The following DTL variants were observed in gnomAD, a reference collection of about 807,000 sequenced individuals.
The protein encoded by DTL is denticleless protein homolog.
A neutral mutation model predicts 87.0 loss-of-function variants in DTL; 46 were observed. The ratio of observed to expected loss-of-function variants is 0.53; its 90% CI spans 0.42 to 0.68. The LOEUF is 0.68. Among genes scored for constraint, DTL ranks in the 30% least tolerant of loss-of-function variants. The probability of loss-of-function intolerance (pLI) is 0.00; values close to 1 mark genes in which losing one functional copy is unlikely to be tolerated. For synonymous variants in DTL, 308 were observed against 311.2 expected, an observed-to-expected ratio of 0.99 and a Z score of 0.11; for missense variants, 737 against 869.4, an observed-to-expected ratio of 0.85 and a Z score of 1.91.
At chr1:212,099,146 G>C (rs1295740965) in intron 13 of DTL, among the ~76,000 whole-genome samples, 1 of 152,164 alleles carries the variant, frequency 6.6e-6, no homozygotes, top group Non-Finnish European at 1.5e-5. Context: ...ATTCATTTCA[G>C]TTCTCCTTCT....
At chr1:212,052,388 G>A (rs1668010601) in intron 5 of DTL, among the ~76,000 whole-genome samples, 1 of 152,040 alleles carries the variant, frequency 6.6e-6, no homozygotes, top group South Asian at 2.1e-4. Context: ...TGTAATCCAA[G>A]CACTTTGAGA....
At chr1:212,059,612 A>C (rs760782065) in intron 5 of DTL, among the ~76,000 whole-genome samples, 3 of 152,152 alleles carry the variant, frequency 2.0e-5, no homozygotes, top group South Asian at 2.1e-4. Context: ...AACTGGAACA[A>C]GACAAGGACG....
At chr1:212,066,655 T>C (rs1654515483) in intron 7 of DTL, among the ~76,000 whole-genome samples, 157 bp from the exon 8 acceptor site, 1 of 152,224 alleles carries the variant, frequency 6.6e-6, no homozygotes, top group South Asian at 2.1e-4. Flanking sequence ...CTTGCTAAAA[T>C]TACCTCTTGG....
chr1:212,093,586 A>G (rs1655352363), intron 13 of DTL, among the ~76,000 whole-genome samples: 1 of 152,338 alleles, frequency 6.6e-6, no homozygotes, highest in South Asian at 2.1e-4. Flanking sequence ...ACCAAACTGC[A>G]TCATTCCACC....
intron 1 of DTL, among the ~76,000 whole-genome samples, chr1:212,040,395 ATGC>A (rs2102523548): frequency 6.6e-6 from 1 of 152,340 alleles, no homozygotes; most frequent in Admixed American, 6.5e-5. Flanking sequence ...AACCCTATGT[ATGC>A]TGTGTTTTTT....
At chr1:212,087,815 C>T (rs945228341) in intron 13 of DTL, among the ~76,000 whole-genome samples, 55 of 152,190 alleles carry the variant, frequency 3.6e-4, no homozygotes, top group African/African-American at 1.2e-3. Context: ...CTAATTGCCA[C>T]GCCAACCTTT....
chr1:212,087,316 G>C (rs888070725), intron 13 of DTL, among the ~76,000 whole-genome samples: 1 of 152,098 alleles, frequency 6.6e-6, no homozygotes, highest in African/African-American at 2.4e-5. Context: ...TTGGGAGGCC[G>C]AGTGGGTGGA....
rs936916308 is a variant in DTL, at chr1:212,045,165, C to T, written c.277+407C>T. Among the ~76,000 whole-genome samples, 3 of 152,176 alleles carry T rather than the reference C, an allele frequency of 2.0e-5. No homozygotes were observed. In the East Asian group the frequency reaches 5.8e-4, roughly 29 times the overall value. On this transcript the variant is annotated intron_variant, in intron 3 of 14. Transcript: ENST00000366991. ...CCACCCCCATGACCCAAATGCCTCCCATTAGGTCCCACTTCCAACTTTGGG... is the reference window on the plus strand; with the variant it reads ...CCACCCCCATGACCCAAATGCCTCCTATTAGGTCCCACTTCCAACTTTGGG...
chr1:212,090,737 A>G (rs986862868), intron 13 of DTL, among the ~76,000 whole-genome samples: 5 of 152,202 alleles, frequency 3.3e-5, no homozygotes, highest in Non-Finnish European at 5.9e-5. Flanking sequence ...TGCCTTGTGG[A>G]AAATAGTAGT....
At chr1:212,071,233 A>G (rs1225823261) in intron 10 of DTL, among the ~76,000 whole-genome samples, 1 of 152,170 alleles carries the variant, frequency 6.6e-6, no homozygotes. Flanking sequence ...GTCCCCTACT[A>G]ATACTTTTCT....
chr1:212,065,224 A>G (rs532796988), intron 7 of DTL, among the ~76,000 whole-genome samples, 195 bp downstream of exon 7: 1 of 152,276 alleles, frequency 6.6e-6, no homozygotes, highest in African/African-American at 2.4e-5. Flanking sequence ...CCATTTACCT[A>G]TATTATTGAT....
At chr1:212,044,176 C>T (rs1226854680) in intron 2 of DTL, among the ~76,000 whole-genome samples, 1 of 152,210 alleles carries the variant, frequency 6.6e-6, no homozygotes, top group African/African-American at 2.4e-5. Context: ...ACTCAGCCTG[C>T]TGGCAGCCTA....
Position 212,043,128 on chromosome 1 carries a change from T to C in DTL, c.178+10T>C. ...TGTACCTTCTCTTCTGGTAAGAGAA[T>C]TACTATCTAGGCAAGGCTTGGACAG... On this transcript the variant is annotated intron_variant, in intron 2 of 14. Transcript: ENST00000366991. 1 of 1,608,624 alleles carries C rather than the reference T, an allele frequency of 6.2e-7. No homozygotes were observed.
chr1:212,072,092 C>T lies in DTL; in HGVS notation c.923-9C>T. ...AGAGCCAAGTAATTTGGTTTTTTTC[C>T]TCTGGCAGTGGCTATTTTCAATGGA... is the stretch of plus-strand genomic sequence containing the variant. On this transcript the variant is annotated splice_polypyrimidine_tract_variant and intron_variant, in intron 10 of 14. Transcript: ENST00000366991. The T allele has an allele frequency of 6.2e-7, 1 of 1,609,702 alleles. No individual in the cohort carries two copies. Among genetic ancestry groups the T allele is most frequent in the South Asian group, 1.1e-5 (1 of 90,728 alleles).
chr1:212,038,810 A>C (rs1011757513), intron 1 of DTL, among the ~76,000 whole-genome samples: 1 of 152,216 alleles, frequency 6.6e-6, no homozygotes, highest in African/African-American at 2.4e-5. Context: ...AACTTAAACA[A>C]ATGCAAAGAA....
At chr1:212,071,972 A>G in intron 10 of DTL, 129 bp from the exon 11 acceptor site, 1 of 647,122 alleles carries the variant, frequency 1.5e-6, no homozygotes, top group Admixed American at 2.8e-5. Context: ...TATTTGATGG[A>G]TAAAGCTAGA....
At chr1:212,068,733 C>A in intron 10 of DTL, 30 bp downstream of exon 10, 1 of 1,430,704 alleles carries the variant, frequency 7.0e-7, no homozygotes, top group Non-Finnish European at 9.8e-7. Flanking sequence ...AATTCTCTTA[C>A]CAGGAAAGCA....
chr1:212,059,578 AAAGCTGG>A (rs1668278030), intron 5 of DTL, among the ~76,000 whole-genome samples: 1 of 152,128 alleles, frequency 6.6e-6, no homozygotes, highest in Non-Finnish European at 1.5e-5. Flanking sequence ...TGAATCGAAA[AAAGCTGG>A]AAGCCTTTCC....
chr1:212,090,663 A>G (rs1285118148), intron 13 of DTL, among the ~76,000 whole-genome samples: 1 of 152,218 alleles, frequency 6.6e-6, no homozygotes, highest in Non-Finnish European at 1.5e-5. Context: ...ACACATACAG[A>G]AGTCCTATTT....
Sources: allele counts gnomAD v4.1 joint callset (sites outside exome capture counted in the v4.1 genomes callset), GRCh38; gene constraint gnomAD v4.1.1; transcripts MANE v1.5; gene names NCBI Gene and HGNC (gene_info 2026-07-23, HGNC 2026-07-21).